Variants in SUSD3 observed in about 807,000 individuals in gnomAD.
SUSD3 encodes the protein sushi domain containing 3, also known as sushi domain-containing protein 3.
In SUSD3, 18 loss-of-function variants were observed where a neutral mutation model predicts 20.6. The ratio of observed to expected loss-of-function variants is 0.87; its 90% confidence interval spans 0.60 to 1.30. The LOEUF is 1.30. Ranked by LOEUF, SUSD3 falls within the 50% of genes most tolerant of loss-of-function variation. The pLI is 0.00. For synonymous variants in SUSD3, 137 were observed against 141.5 expected (o/e 0.97, Z 0.23); for missense variants, 306 against 346.9 (o/e 0.88, Z 0.94).
intron 4 of SUSD3, among the ~76,000 whole-genome samples, chr9:93,080,100 G>T (rs1353442685): frequency 1.3e-5 from 2 of 152,136 alleles, no homozygotes; most frequent in African/African-American, 4.8e-5. Context: ...GGCTGAGGTG[G>T]GAGGATCACC....
At chr9:93,076,139 C>G (rs551064464) in intron 2 of SUSD3, among the ~76,000 whole-genome samples, 167 bp downstream of exon 2, 3 of 152,184 alleles carry the variant, frequency 2.0e-5, no homozygotes, top group African/African-American at 7.2e-5. Context: ...ATGTCAGCAG[C>G]CGGCTGTAGG....
At chr9:93,072,406 C>G (rs184645757) in intron 1 of SUSD3, among the ~76,000 whole-genome samples, 484 of 152,324 alleles carry the variant, frequency 3.2e-3, no homozygotes, top group African/African-American at 0.011. Flanking sequence ...ACCTGGCCAG[C>G]TGCAGCCAAA....
chr9:93,075,336 CATT>C (rs1564191327), intron 1 of SUSD3, among the ~76,000 whole-genome samples: 1 of 151,446 alleles, frequency 6.6e-6, no homozygotes, highest in Non-Finnish European at 1.5e-5. Context: ...GGTTGTTTTC[CATT>C]ATTAGGGAGC....
At chr9:93,068,096 T>C (rs985265708) in intron 1 of SUSD3, among the ~76,000 whole-genome samples, 3 of 152,278 alleles carry the variant, frequency 2.0e-5, no homozygotes, top group African/African-American at 7.2e-5. Flanking sequence ...TCTTTATATG[T>C]TCTAGACACA....
intron 4 of SUSD3, 54 bp downstream of exon 4, chr9:93,079,656 T>C: frequency 6.3e-7 from 1 of 1,596,170 alleles, no homozygotes; most frequent in Admixed American, 1.7e-5. Flanking sequence ...TCCAGCTTGG[T>C]CAGGCCCCGG....
Position 93,077,397 on chromosome 9 carries a change from G to A in SUSD3, c.278-449G>A, listed in dbSNP as rs188172908. Among the ~76,000 whole-genome samples, 43 of 151,840 alleles carry A rather than the reference G, an allele frequency of 2.8e-4. 1 individual carries two copies. Among genetic ancestry groups the A allele is most frequent in the Admixed American group, 2.8e-3 (42 of 15,236 alleles). On this transcript the variant is annotated intron_variant, in intron 2 of 4. Coordinates refer to ENST00000375472, the MANE Select transcript of SUSD3 (RefSeq NM_145006.4). ...TCATTCCTCAGGCAGGACTTCAGTG[G>A]GTAGGAGCCAAGGAGGCCATCACTC...
intron 1 of SUSD3, among the ~76,000 whole-genome samples, chr9:93,064,691 G>A (rs1825639756): frequency 6.6e-6 from 1 of 152,216 alleles, no homozygotes; most frequent in Admixed American, 6.5e-5. Context: ...GCGGGCAGGG[G>A]GAGGAGCTGC....
chr9:93,059,168 G>A (rs1825407303), intron 1 of SUSD3, among the ~76,000 whole-genome samples: 1 of 152,118 alleles, frequency 6.6e-6, no homozygotes, highest in Admixed American at 6.5e-5. Flanking sequence ...CGCCCCTCCC[G>A]GGGAAGTCGA....
intron 1 of SUSD3, among the ~76,000 whole-genome samples, chr9:93,063,223 T>G (rs1274967771): frequency 2.0e-5 from 3 of 152,112 alleles, no homozygotes; most frequent in Non-Finnish European, 4.4e-5. Context: ...TTTCCCTGTG[T>G]TCCATGGACC....
Position 93,079,514 on chromosome 9 carries a change from A to G in SUSD3, c.469A>G (p.Thr157Ala), listed in dbSNP as rs767677513. ...WSQLKDEDLE[T>A]VQAAYLGLKH... ...CCAGCTGAAAGATGAGGACTTGGAGACGGTGCAGGCCGCATACCTTGGCCT... is the reference window on the plus strand; with the variant it reads ...CCAGCTGAAAGATGAGGACTTGGAGGCGGTGCAGGCCGCATACCTTGGCCT... The change falls in exon 4 of 5, where the codon ACG becomes GCG. Residue 157 changes from threonine (T) to alanine (A), a missense_variant. Coordinates refer to ENST00000375472, the MANE Select transcript of SUSD3 (RefSeq NM_145006.4). The G allele has an allele frequency of 6.2e-7, 1 of 1,614,104 alleles. No individual in the cohort carries two copies. Among genetic ancestry groups the G allele is most frequent in the Non-Finnish European group, 8.5e-7 (1 of 1,179,996 alleles).
At chr9:93,059,518 C>T (rs1441006767) in intron 1 of SUSD3, among the ~76,000 whole-genome samples, 2 of 152,208 alleles carry the variant, frequency 1.3e-5, no homozygotes, top group African/African-American at 4.8e-5. Context: ...GCTGGCCTTG[C>T]TCCTTGAATG....
At chr9:93,064,281 T>C (rs879786157) in intron 1 of SUSD3, among the ~76,000 whole-genome samples, 3 of 152,182 alleles carry the variant, frequency 2.0e-5, no homozygotes, top group Non-Finnish European at 2.9e-5. Context: ...CTCCTGACCT[T>C]GTGATCTGCC....
chr9:93,083,528 A>G (rs532373784), intron 4 of SUSD3, among the ~76,000 whole-genome samples: 2 of 152,314 alleles, frequency 1.3e-5, no homozygotes, highest in African/African-American at 2.4e-5. Context: ...TGTGCCAGGC[A>G]CTGTTCTGAA....
rs764888318 is a variant in SUSD3, at chr9:93,079,470, G to A, written c.426-1G>A. 21 of 1,613,874 alleles carry A rather than the reference G, an allele frequency of 1.3e-5. No individual in the cohort carries two copies. Among genetic ancestry groups the A allele is most frequent in the Non-Finnish European group, 1.8e-5 (21 of 1,179,860 alleles). On this transcript the variant is annotated splice_acceptor_variant, in intron 3 of 4. Transcript: ENST00000375472. LOFTEE classifies it high-confidence loss of function. ...GTCCTTCCTCCCAAACTCTCCTCCA[G>A]GTCAGCCCAGCTGTGGTCCCAGCTG...
At chr9:93,084,048 A>G (rs535768846) in intron 4 of SUSD3, among the ~76,000 whole-genome samples, 584 of 151,916 alleles carry the variant, frequency 3.8e-3, no homozygotes, top group Admixed American at 9.2e-3. Context: ...TATCTGGGGG[A>G]GTAGAGAGCC....
chr9:93,058,738 G>A lies in SUSD3; in HGVS notation c.-5G>A. 6 of 1,233,242 alleles carry A rather than the reference G, an allele frequency of 4.9e-6. No homozygotes were observed. Among genetic ancestry groups the A allele is most frequent in the Non-Finnish European group, 6.1e-6 (6 of 987,940 alleles). The allele number at this position is 1,233,242 out of a possible 1,614,324, so 76.4% of individuals were successfully genotyped here. On this transcript the variant is annotated 5_prime_UTR_variant, in exon 1 of 5. Coordinates refer to ENST00000375472, the MANE Select transcript of SUSD3 (RefSeq NM_145006.4). ...GACCCCGCCAAGCGCCTCGGAGCGC[G>A]CAGGATGCGCTGGGCGGCCGCCACC...
intron 1 of SUSD3, among the ~76,000 whole-genome samples, chr9:93,066,570 C>A (rs1314357888): frequency 2.0e-5 from 3 of 152,022 alleles, no homozygotes; most frequent in Non-Finnish European, 4.4e-5. Flanking sequence ...CTTTAATTGA[C>A]ATATTTTCCC....
chr9:93,067,562 T>C (rs1053873885), intron 1 of SUSD3, among the ~76,000 whole-genome samples: 2 of 152,138 alleles, frequency 1.3e-5, no homozygotes, highest in African/African-American at 2.4e-5. Flanking sequence ...AGGTGCCAGT[T>C]TCTCCACATT....
At chr9:93,070,460 G>C (rs1473204636) in intron 1 of SUSD3, among the ~76,000 whole-genome samples, 2 of 152,256 alleles carry the variant, frequency 1.3e-5, no homozygotes, top group African/African-American at 4.8e-5. Flanking sequence ...TACTGAAGGG[G>C]CAGAAAGGAT....
Sources: gnomAD v4.1 joint callset for allele counts (sites outside exome capture counted in the v4.1 genomes callset) on GRCh38, gnomAD v4.1.1 for gene constraint, MANE v1.5 for transcripts, NCBI Gene and HGNC (gene_info 2026-07-23, HGNC 2026-07-21) for gene names.